Variants in PDE7B observed in about 807,000 individuals in gnomAD.
The protein encoded by PDE7B is 3',5'-cyclic-AMP phosphodiesterase 7B.
In PDE7B, 29 loss-of-function variants were observed where a neutral mutation model predicts 56.2. The ratio of observed to expected loss-of-function variants is 0.52; its 90% CI spans 0.38 to 0.70. The LOEUF is 0.70. Among genes scored for constraint, PDE7B ranks in the 30% least tolerant of loss-of-function variants. PDE7B has a pLI of 0.00. For missense variants in PDE7B, 490 were observed against 565.0 expected (o/e 0.87, Z 1.35); for synonymous variants, 197 against 196.9 (o/e 1.00, Z 0.00).
chr6:136,017,631 C>T (rs1391682527), intron 2 of PDE7B, among the ~76,000 whole-genome samples: 1 of 151,884 alleles, frequency 6.6e-6, no homozygotes, highest in Non-Finnish European at 1.5e-5. Flanking sequence ...AGAATGATGG[C>T]AAACCTGAAA....
At chr6:135,852,266 C>G (rs757887378) in intron 1 of PDE7B, among the ~76,000 whole-genome samples, 2 of 151,848 alleles carry the variant, frequency 1.3e-5, no homozygotes, top group South Asian at 2.1e-4. Context: ...AATGAGACTC[C>G]GGCATTTTCA....
At chr6:136,002,320 A>G (rs961247222) in intron 2 of PDE7B, among the ~76,000 whole-genome samples, 5 of 152,220 alleles carry the variant, frequency 3.3e-5, no homozygotes, top group African/African-American at 1.2e-4. Flanking sequence ...AGCTAACATC[A>G]TAATGACAGG....
At chr6:135,907,688 C>A (rs1308881964) in intron 1 of PDE7B, among the ~76,000 whole-genome samples, 1 of 151,964 alleles carries the variant, frequency 6.6e-6, no homozygotes, top group Non-Finnish European at 1.5e-5. Context: ...ACATTTACAG[C>A]TTAGTACAAG....
At position 136,185,434 on chromosome 6, in the gene PDE7B, T is replaced by G. The variant is rs548123145; in HGVS notation, c.1046-1602T>G. Among the ~76,000 whole-genome samples, 15 of 152,246 alleles carry G rather than the reference T, an allele frequency of 9.9e-5. No individual in the cohort carries two copies. In the East Asian group the frequency reaches 2.9e-3, roughly 29 times the overall value. On this transcript the variant is annotated intron_variant, in intron 11 of 12. Coordinates refer to ENST00000308191, the MANE Select transcript of PDE7B (RefSeq NM_018945.4). ...GTTTCTTCATCTGTAAAATGGGGAT[T>G]ATAATAAGGTTGTTATTTGGATTAA...
chr6:135,967,737 T>C (rs1408082134), intron 2 of PDE7B, among the ~76,000 whole-genome samples: 2 of 152,210 alleles, frequency 1.3e-5, no homozygotes, highest in African/African-American at 4.8e-5. Context: ...ATCTGCTTTC[T>C]CCAAAATACA....
chr6:135,980,055 A>C (rs1229535215), intron 2 of PDE7B, among the ~76,000 whole-genome samples: 1 of 152,210 alleles, frequency 6.6e-6, no homozygotes, highest in Non-Finnish European at 1.5e-5. Flanking sequence ...ACAAGGCTAC[A>C]GTAACCAAAA....
chr6:136,074,331 G>A (rs1204973718), intron 2 of PDE7B, among the ~76,000 whole-genome samples: 1 of 151,740 alleles, frequency 6.6e-6, no homozygotes, highest in African/African-American at 2.4e-5. Flanking sequence ...TATATTTATG[G>A]GTACATGAGA....
In PDE7B at chr6:136,064,837, T is replaced by C. The variant is rs62429958; in HGVS notation, c.83-43894T>C. Among the ~76,000 whole-genome samples, 716 of 152,340 alleles carry C rather than the reference T, an allele frequency of 4.7e-3. 1 individual carries two copies. The highest frequency in any genetic ancestry group is 7.4e-3 in the Non-Finnish European group (505 of 68,036). ...TCATGACATTCATAATTATGTTTCA[T>C]TTCTGCCTTCCTCTCAAAACACTGT... On this transcript the variant is annotated intron_variant, in intron 2 of 12. Coordinates refer to ENST00000308191, the MANE Select transcript of PDE7B (RefSeq NM_018945.4).
At chr6:136,133,297 C>T (rs1778150850) in intron 3 of PDE7B, among the ~76,000 whole-genome samples, 1 of 150,892 alleles carries the variant, frequency 6.6e-6, no homozygotes, top group African/African-American at 2.4e-5. Context: ...TAAAGGTTTT[C>T]TTTCTGGAAG....
chr6:136,151,533 C>T lies in PDE7B; in HGVS notation c.478+278C>T, dbSNP rs565285338. On this transcript the variant is annotated intron_variant, in intron 6 of 12. Coordinates refer to ENST00000308191, the MANE Select transcript of PDE7B (RefSeq NM_018945.4). Reference sequence around the variant, plus strand: ...TGTATAGCTTTTGACTCTCAAAAACCTAACTACTAATAGCTTACTACTGTT... The same window carrying T: ...TGTATAGCTTTTGACTCTCAAAAACTTAACTACTAATAGCTTACTACTGTT... Among the ~76,000 whole-genome samples, 320 of 152,270 alleles carry T rather than the reference C, an allele frequency of 2.1e-3. 1 individual carries two copies. Among genetic ancestry groups the T allele is most frequent in the African/African-American group, 7.5e-3 (313 of 41,540 alleles).
intron 2 of PDE7B, among the ~76,000 whole-genome samples, chr6:135,962,474 A>G (rs1406688358): frequency 6.6e-6 from 1 of 152,166 alleles, no homozygotes; most frequent in African/African-American, 2.4e-5. Context: ...AAAATCATGC[A>G]TATTTTTTAT....
chr6:135,913,507 C>T (rs1776246017), intron 1 of PDE7B, among the ~76,000 whole-genome samples: 1 of 152,158 alleles, frequency 6.6e-6, no homozygotes, highest in African/African-American at 2.4e-5. Context: ...TGCCTCCTGG[C>T]TTTGATCTTG....
chr6:136,116,146 CAGA>C (rs1200519515), intron 3 of PDE7B, among the ~76,000 whole-genome samples: 1 of 152,132 alleles, frequency 6.6e-6, no homozygotes, highest in Non-Finnish European at 1.5e-5. Flanking sequence ...GTAACCTGAG[CAGA>C]AGAAGGCTTT....
intron 3 of PDE7B, chr6:136,114,892 G>A (rs528307190): frequency 6.6e-6 from 1 of 152,378 alleles, no homozygotes; most frequent in Admixed American, 6.5e-5. Context: ...CTTGCTCCAT[G>A]ATGGTGCACT....
Position 135,981,152 on chromosome 6 carries a change from G to A in PDE7B, c.82+33628G>A, listed in dbSNP as rs1775287030. On this transcript the variant is annotated intron_variant, in intron 2 of 12. Coordinates refer to ENST00000308191, the MANE Select transcript of PDE7B (RefSeq NM_018945.4). ...CTTTGTGGGGACATGGATGAAAGTG[G>A]AAATCATCATTCTCAGTAAACTATC... Among the ~76,000 whole-genome samples, 3 of 151,844 alleles carry A rather than the reference G, an allele frequency of 2.0e-5. No homozygotes were observed. In the South Asian group the frequency reaches 6.3e-4, roughly 32 times the overall value.
intron 6 of PDE7B, among the ~76,000 whole-genome samples, chr6:136,152,496 A>T (rs986324515): frequency 3.3e-5 from 5 of 152,242 alleles, no homozygotes; most frequent in African/African-American, 1.2e-4. Context: ...TACTTGCCCA[A>T]GGCCAACAGC....
chr6:136,018,345 A>G (rs2128207826), intron 2 of PDE7B, among the ~76,000 whole-genome samples: 1 of 152,362 alleles, frequency 6.6e-6, no homozygotes, highest in East Asian at 1.9e-4. Flanking sequence ...CACCTGAAAG[A>G]CAGACTGATT....
chr6:136,175,971 CAT>C (rs757041775), intron 9 of PDE7B, among the ~76,000 whole-genome samples: 10 of 151,994 alleles, frequency 6.6e-5, no homozygotes, highest in Admixed American at 6.6e-4. Flanking sequence ...GCAAATTTGA[CAT>C]ATATGTATGT....
chr6:135,960,194 G>A (rs138669884), intron 2 of PDE7B, among the ~76,000 whole-genome samples: 2,264 of 152,204 alleles, frequency 0.015, 55 homozygotes, highest in African/African-American at 0.045. Context: ...TGACGGACAG[G>A]TCTCCAACAT....
Sources: gnomAD v4.1 joint callset for allele counts (sites outside exome capture counted in the v4.1 genomes callset) on GRCh38, gnomAD v4.1.1 for gene constraint, MANE v1.5 for transcripts, NCBI Gene and HGNC (gene_info 2026-07-23, HGNC 2026-07-21) for gene names.